The following AKAP17A variants were observed in gnomAD, a reference collection of about 807,000 sequenced individuals.
The protein encoded by AKAP17A is A-kinase anchor protein 17A.
In AKAP17A, 15 loss-of-function variants were observed where a neutral mutation model predicts 52.2. That is an observed-to-expected ratio of 0.29 (90% CI 0.19 to 0.44). The LOEUF (loss-of-function observed/expected upper bound fraction) is 0.44, where lower values mean the gene tolerates loss of function less well. AKAP17A is among the 20% of genes least tolerant of loss of function. The pLI, the probability that AKAP17A is intolerant of heterozygous loss-of-function variation, is 1.00. For missense variants in AKAP17A, 1,060 were observed against 1,007.0 expected (o/e 1.05, Z -0.71); for synonymous variants, 514 against 424.7 (o/e 1.21, Z -2.58).
chrX:1,595,579 G>T (rs752556385), intron 3 of AKAP17A, 47 bp downstream of exon 3: 79 of 1,611,730 alleles, frequency 4.9e-5, no homozygotes, highest in Non-Finnish European at 1.7e-6. Context: ...CCGGCACCTG[G>T]GAGTGTGCGC....
Position 1,600,806 on chromosome X carries a change from C to T in AKAP17A, c.1300C>T (p.Leu434=). 6.3e-7 allele frequency: 1 copy of T among 1,590,394 alleles called. No individual in the cohort carries two copies. Residue 434 remains leucine (L), a synonymous_variant, in exon 5 of 5, where the codon CTG becomes TTG. Transcript: ENST00000313871. The stretch of plus-strand genomic sequence containing the variant: ...GGGCCTGCAGCGGAAAGAGCGGGAG[C>T]TGCGCGAGCGGCTGCTGAGCATCCT... ...ALGLQRKERE[L]RERLLSILLS...
chrX:1,600,509 G>C lies in AKAP17A; in HGVS notation c.1153-150G>C, dbSNP rs1160151925. On this transcript the variant is annotated intron_variant, in intron 4 of 4. Coordinates refer to ENST00000313871, the MANE Select transcript of AKAP17A (RefSeq NM_005088.3). ...GGGCTGGACCTGGCTCGCCGTAGGA[G>C]ACGCCCCCCACCCCTGGGCTGGAGT... 6.1e-6 allele frequency: 5 copies of C among 819,406 alleles called. No individual in the cohort carries two copies. The African/African-American group carries it at 8.6e-5, about 14-fold the overall frequency. The allele number at this position is 819,406 out of a possible 1,614,324, so 50.8% of individuals were successfully genotyped here.
intron 3 of AKAP17A, among the ~76,000 whole-genome samples, chrX:1,598,825 G>C (rs1298513490): frequency 6.6e-6 from 1 of 152,230 alleles, no homozygotes; most frequent in African/African-American, 2.4e-5. Flanking sequence ...GCGCCGCTGT[G>C]CATCCCGGGG....
chrX:1,596,885 C>T (rs1933021183), intron 3 of AKAP17A, among the ~76,000 whole-genome samples: 1 of 139,134 alleles, frequency 7.2e-6, no homozygotes, highest in Non-Finnish European at 1.6e-5. Context: ...CCTCCTCCTC[C>T]TTCTCCGTCC....
At chrX:1,593,379 G>A in intron 1 of AKAP17A, 65 bp from the exon 2 acceptor site, 1 of 1,510,780 alleles carries the variant, frequency 6.6e-7, no homozygotes, top group Non-Finnish European at 9.0e-7. Context: ...TGCTGGCTTG[G>A]CCCCTCCTCA....
chrX:1,601,707 CA>C lies in AKAP17A; in HGVS notation c.*114del, dbSNP rs1368824015. The C allele has an allele frequency of 9.4e-7, 1 of 1,060,772 alleles. No individual in the cohort carries two copies. Among genetic ancestry groups the C allele is most frequent in the Non-Finnish European group, 1.2e-6 (1 of 808,172 alleles). 65.7% of individuals were successfully genotyped at this position (1,060,772 alleles called of 1,614,324 possible). The stretch of plus-strand genomic sequence containing the variant: ...CCCCTGCAAAGCCAAGACCCTTCTG[CA>C]GCCACGAATGTCCACGGAGCCCGCC... On this transcript the variant is annotated 3_prime_UTR_variant, in exon 5 of 5. Transcript: ENST00000313871.
chrX:1,600,598 G>A (rs1933305580), intron 4 of AKAP17A, 61 bp from the exon 5 acceptor site: 2 of 1,442,156 alleles, frequency 1.4e-6, no homozygotes, highest in Non-Finnish European at 1.8e-6. Context: ...CCCAGCTCCT[G>A]TCCCACGTGT....
intron 3 of AKAP17A, among the ~76,000 whole-genome samples, chrX:1,598,708 T>G (rs1685361109): frequency 6.6e-6 from 1 of 152,028 alleles, no homozygotes; most frequent in Non-Finnish European, 1.5e-5. Context: ...TTGGATTTGT[T>G]TAGAGAGAGG....
At chrX:1,600,325 C>T (rs1408522028) in intron 4 of AKAP17A, 28 of 753,920 alleles carry the variant, frequency 3.7e-5, no homozygotes, top group Middle Eastern at 7.7e-4. Context: ...GTGACCTAAC[C>T]GCAGGCGCCT....
intron 4 of AKAP17A, chrX:1,600,086 T>C: frequency 9.0e-7 from 1 of 1,117,038 alleles, no homozygotes; most frequent in South Asian, 1.3e-5. Context: ...GAGGGCTGCG[T>C]CCCCCTGGAG....
rs1445550815 is a variant in AKAP17A, at chrX:1,600,653, C to T, written c.1153-6C>T. On this transcript the variant is annotated splice_region_variant and splice_polypyrimidine_tract_variant and intron_variant, in intron 4 of 4. Coordinates refer to ENST00000313871, the MANE Select transcript of AKAP17A (RefSeq NM_005088.3). ...GGGCTCAGCTGCACTTTCCTCTTCC[C>T]CGCAGGCTGTGAAGCTACGGGAACA... is the stretch of plus-strand genomic sequence containing the variant. 6 of 1,533,160 alleles carry T rather than the reference C, an allele frequency of 3.9e-6. No individual in the cohort carries two copies. Among genetic ancestry groups the T allele is most frequent in the Non-Finnish European group, 4.4e-6 (5 of 1,139,256 alleles). The allele number at this position is 1,533,160 out of a possible 1,614,324, so 95.0% of individuals were successfully genotyped here. A position where few individuals can be genotyped will look rare whatever the true frequency, so the allele number is the denominator to read the frequency against.
chrX:1,597,949 C>T (rs767990504), intron 3 of AKAP17A, among the ~76,000 whole-genome samples: 24 of 152,244 alleles, frequency 1.6e-4, no homozygotes, highest in East Asian at 3.9e-4. Context: ...TACTTGTCCC[C>T]GCTGTCCCCC....
In AKAP17A at chrX:1,600,660, C is replaced by G; in HGVS notation, c.1154C>G (p.Ala385Gly). 2.6e-6 allele frequency: 4 copies of G among 1,536,760 alleles called. No individual in the cohort carries two copies. The highest frequency in any genetic ancestry group is 3.5e-6 in the Non-Finnish European group (4 of 1,140,840). The change falls in exon 5 of 5, where the codon GCT (alanine) becomes GGT (glycine). Residue 385 changes from alanine (A) to glycine (G), a missense_variant and splice_region_variant. Physicochemically the swap from Ala to Gly is moderately conservative, Grantham distance 60 (BLOSUM62 0). Transcript: ENST00000313871. ...LIAELLSRAK[A>G]VKLREQEQKE... Reference sequence around the variant, plus strand: ...GCTGCACTTTCCTCTTCCCCGCAGGCTGTGAAGCTACGGGAACAGGAGCAG... The same window carrying G: ...GCTGCACTTTCCTCTTCCCCGCAGGGTGTGAAGCTACGGGAACAGGAGCAG...
intron 3 of AKAP17A, among the ~76,000 whole-genome samples, chrX:1,597,930 G>A (rs528433882): frequency 5.3e-5 from 8 of 152,142 alleles, no homozygotes; most frequent in Non-Finnish European, 1.0e-4. Context: ...GGCTCCACAC[G>A]CAGGGCCGTA....
rs140297499 is a variant in AKAP17A at position 1,600,545 on chromosome X, C to T, written c.1153-114C>T. 1,786 of 1,105,228 alleles carry T rather than the reference C, an allele frequency of 1.6e-3. 20 individuals are homozygous for T. The African/African-American group carries it at 0.022, about 14-fold the overall frequency. 68.5% of individuals were successfully genotyped at this position (1,105,228 alleles called of 1,614,324 possible). On this transcript the variant is annotated intron_variant, in intron 4 of 4. Coordinates refer to ENST00000313871, the MANE Select transcript of AKAP17A (RefSeq NM_005088.3). ...CCCCTGGGCTGGAGTCCAGCCAGGC[C>T]GCTGATCCTGCATCCCCAGACCATG... is the stretch of plus-strand genomic sequence containing the variant.
rs746134742 is a variant in AKAP17A, at chrX:1,601,302, A to G, written c.1796A>G (p.His599Arg). The change falls in exon 5 of 5, where the codon CAC (histidine) becomes CGC (arginine). Residue 599 changes from histidine (H) to arginine (R), a missense_variant. This residue lies in a region of AKAP17A where 793 missense variants were observed against 629.9 expected (regional missense o/e 1.26). Transcript: ENST00000313871. ...ACCGGAGACGGGCTTGCTGACCGGCACAAGCGGGAGAGGAGCCGGGCCAGG... is the reference window on the plus strand; with the variant it reads ...ACCGGAGACGGGCTTGCTGACCGGCGCAAGCGGGAGAGGAGCCGGGCCAGG... ...RATGDGLADRHKRERSRARRA... is the reference protein window; with the variant it reads ...RATGDGLADRRKRERSRARRA... The G allele has an allele frequency of 6.2e-7, 1 of 1,609,370 alleles. No homozygotes were observed. The highest frequency in any genetic ancestry group is 1.1e-5 in the South Asian group (1 of 90,966).
intron 3 of AKAP17A, 86 bp downstream of exon 3, chrX:1,595,618 TC>T (rs1178189874): frequency 6.3e-7 from 1 of 1,580,736 alleles, no homozygotes; most frequent in African/African-American, 1.3e-5. Flanking sequence ...CTGCATGTAT[TC>T]CTGTGCGTGT....
At chrX:1,599,789 T>C in intron 4 of AKAP17A, 1 of 603,056 alleles carries the variant, frequency 1.7e-6, no homozygotes, top group Non-Finnish European at 3.0e-6. Flanking sequence ...CTGTGTGTGG[T>C]CAGCTGGCCT....
Position 1,601,663 on chromosome X carries a change from C to G in AKAP17A, c.*69C>G. On this transcript the variant is annotated 3_prime_UTR_variant, in exon 5 of 5. Transcript: ENST00000313871. ...ACCTGCTCGAGCCTCCTGGCCGCTC[C>G]TTGGCCGCTCTCCGTCCACCCCTGC... 7.5e-7 allele frequency: 1 copy of G among 1,326,808 alleles called. No homozygotes were observed. Among genetic ancestry groups the G allele is most frequent in the Non-Finnish European group, 9.7e-7 (1 of 1,031,874 alleles). The allele number at this position is 1,326,808 out of a possible 1,614,324, so 82.2% of individuals were successfully genotyped here.
Sources: gnomAD v4.1 joint callset for allele counts (sites outside exome capture counted in the v4.1 genomes callset) on GRCh38, gnomAD v4.1.1 for gene constraint, gnomAD v4.1.1 regional missense constraint, MANE v1.5 for transcripts, NCBI Gene and HGNC (gene_info 2026-07-23, HGNC 2026-07-21) for gene names.